Variants in SDHC observed in about 807,000 individuals in gnomAD.
The protein encoded by SDHC is succinate dehydrogenase complex subunit C, also known as succinate dehydrogenase cytochrome b560 subunit, mitochondrial.
A neutral mutation model predicts 22.6 loss-of-function variants in SDHC; 11 were observed. The observed-to-expected ratio is 0.49, with a 90% confidence interval of 0.31 to 0.81. The LOEUF is 0.81. SDHC is among the 30% of genes least tolerant of loss of function. SDHC has a pLI of 0.05. For missense variants in SDHC, 160 were observed against 212.0 expected (o/e 0.75, Z 1.52); for synonymous variants, 80 against 77.8 (o/e 1.03, Z -0.15).
intron 4 of SDHC, among the ~76,000 whole-genome samples, chr1:161,352,836 G>C (rs991692985): frequency 2.0e-5 from 3 of 152,122 alleles, no homozygotes; most frequent in Admixed American, 6.5e-5. Context: ...AATTAGCCGG[G>C]CGTGGTGGCA....
At chr1:161,337,193 T>G (rs34006306) in intron 3 of SDHC, among the ~76,000 whole-genome samples, 6,938 of 152,176 alleles carry the variant, frequency 0.046, 213 homozygotes, top group Non-Finnish European at 0.067. Context: ...ATCTTGATTT[T>G]CTATACTAGA....
chr1:161,331,301 C>G (rs1671262800), intron 3 of SDHC, among the ~76,000 whole-genome samples: 2 of 151,862 alleles, frequency 1.3e-5, no homozygotes, highest in East Asian at 1.9e-4. Context: ...AGAGTCTCAC[C>G]CAGTCACCCA....
At chr1:161,361,674 C>G (rs992001301) in intron 5 of SDHC, among the ~76,000 whole-genome samples, 6 of 152,046 alleles carry the variant, frequency 3.9e-5, no homozygotes, top group African/African-American at 1.4e-4. Context: ...CCCATCTCTA[C>G]TAAAAATACA....
intron 3 of SDHC, among the ~76,000 whole-genome samples, chr1:161,331,408 C>T (rs944118572): frequency 6.6e-6 from 1 of 151,928 alleles, no homozygotes; most frequent in Non-Finnish European, 1.5e-5. Context: ...GCTGGGACTA[C>T]AGTGCATGTC....
intron 2 of SDHC, among the ~76,000 whole-genome samples, chr1:161,324,358 C>T (rs1205640770): frequency 6.6e-6 from 1 of 152,220 alleles, no homozygotes; most frequent in African/African-American, 2.4e-5. Context: ...GATCCCCCTG[C>T]CTCGGCTGGG....
intron 4 of SDHC, among the ~76,000 whole-genome samples, chr1:161,347,289 C>T (rs1368782783): frequency 1.3e-5 from 2 of 152,034 alleles, no homozygotes; most frequent in African/African-American, 4.8e-5. Flanking sequence ...GAGTCTCGCT[C>T]TGTCGGCCAG....
intron 5 of SDHC, among the ~76,000 whole-genome samples, chr1:161,360,589 G>A (rs2102380400): frequency 6.8e-6 from 1 of 147,706 alleles, no homozygotes; most frequent in East Asian, 2.0e-4. Flanking sequence ...GGGGTGGGTG[G>A]TGGGGTAGGG....
intron 4 of SDHC, among the ~76,000 whole-genome samples, chr1:161,354,347 T>C (rs1277162175): frequency 6.6e-6 from 1 of 152,202 alleles, no homozygotes; most frequent in Admixed American, 6.5e-5. Flanking sequence ...ATGTTGAAAC[T>C]GAACTACCTT....
intron 3 of SDHC, among the ~76,000 whole-genome samples, chr1:161,331,275 T>G (rs1671261550): frequency 6.6e-6 from 1 of 151,970 alleles, no homozygotes; most frequent in African/African-American, 2.4e-5. Flanking sequence ...GAATATCCTT[T>G]TTTTTTTGTC....
chr1:161,339,900 G>A (rs1240140496), intron 3 of SDHC, among the ~76,000 whole-genome samples: 3 of 151,540 alleles, frequency 2.0e-5, no homozygotes, highest in African/African-American at 7.3e-5. Flanking sequence ...GGCTGATTGC[G>A]AACTCCTGAC....
chr1:161,321,746 T>C (rs1337481100), intron 1 of SDHC, among the ~76,000 whole-genome samples: 1 of 152,206 alleles, frequency 6.6e-6, no homozygotes, highest in Non-Finnish European at 1.5e-5. Flanking sequence ...GAAAAGTTTG[T>C]GCATCTAATA....
intron 1 of SDHC, 91 bp from the exon 2 acceptor site, chr1:161,323,523 A>T: frequency 1.1e-6 from 1 of 947,432 alleles, no homozygotes; most frequent in Non-Finnish European, 1.7e-6. Flanking sequence ...TCTTACTTTT[A>T]ATCTATCCCT....
At chr1:161,358,930 C>CA (rs59347827) in intron 5 of SDHC, among the ~76,000 whole-genome samples, 44,893 of 115,238 alleles carry the variant, frequency 0.39, 9,692 homozygotes, top group Middle Eastern at 0.55. Context: ...AATTCCGTCT[C>CA]AAAAAAAAAA....
chr1:161,344,032 C>A lies in SDHC; in HGVS notation c.241+3377C>A, dbSNP rs1401287346. 2.6e-5 allele frequency among the ~76,000 whole-genome samples: 4 copies of A among 151,580 alleles called. No individual in the cohort carries two copies. In the East Asian group the frequency reaches 7.7e-4, roughly 29 times the overall value. ...TTCGAGACCATCCTGGGCAACATATCAAGACCCAGCACTTTGGGAGGCTGA... is the reference window on the plus strand; with the variant it reads ...TTCGAGACCATCCTGGGCAACATATAAAGACCCAGCACTTTGGGAGGCTGA... On this transcript the variant is annotated intron_variant, in intron 4 of 5. Transcript: ENST00000367975.
chr1:161,354,504 T>C (rs1043651907), intron 4 of SDHC, among the ~76,000 whole-genome samples: 1 of 152,190 alleles, frequency 6.6e-6, no homozygotes, highest in Non-Finnish European at 1.5e-5. Context: ...GTTCTAGCAA[T>C]GATCCCAAAC....
intron 4 of SDHC, among the ~76,000 whole-genome samples, chr1:161,341,157 A>C (rs1671707046): frequency 6.6e-6 from 1 of 152,188 alleles, no homozygotes. Flanking sequence ...GTTTCTTAGC[A>C]AATTTTTAAA....
chr1:161,361,388 C>T (rs938080633), intron 5 of SDHC, among the ~76,000 whole-genome samples: 1 of 151,916 alleles, frequency 6.6e-6, no homozygotes, highest in Non-Finnish European at 1.5e-5. Context: ...ACAGTCAAAA[C>T]AAAATTGAGA....
chr1:161,324,341 C>T (rs144664049), intron 2 of SDHC, among the ~76,000 whole-genome samples: 94 of 152,300 alleles, frequency 6.2e-4, no homozygotes, highest in African/African-American at 2.0e-3. Context: ...AACTCCTGGG[C>T]TCAAGTGATC....
intron 4 of SDHC, among the ~76,000 whole-genome samples, chr1:161,348,647 C>G (rs1459085758): frequency 7.1e-6 from 1 of 140,366 alleles, no homozygotes. Flanking sequence ...ATAGTGAAAC[C>G]CCATCTCTAC....
Sources: gnomAD v4.1 joint callset for allele counts (sites outside exome capture counted in the v4.1 genomes callset) on GRCh38, gnomAD v4.1.1 for gene constraint, MANE v1.5 for transcripts, NCBI Gene and HGNC (gene_info 2026-07-23, HGNC 2026-07-21) for gene names.